The following RUSC1 variants were observed in gnomAD, a reference collection of about 807,000 sequenced individuals.
The protein encoded by RUSC1 is AP-4 complex accessory subunit RUSC1.
In RUSC1, 40 loss-of-function variants were observed where a neutral mutation model predicts 72.1. The observed-to-expected ratio is 0.55, with a 90% CI of 0.43 to 0.72. RUSC1 has a LOEUF of 0.72. Among genes scored for constraint, RUSC1 ranks in the 30% least tolerant of loss-of-function variants. The probability of loss-of-function intolerance (pLI) is 0.00; values close to 1 mark genes in which losing one functional copy is unlikely to be tolerated. For synonymous variants in RUSC1, 512 were observed against 494.2 expected (o/e 1.04, Z -0.48); for missense variants, 1,092 against 1,172.3 (o/e 0.93, Z 1.00).
At position 155,326,058 on chromosome 1, in the gene RUSC1, A is replaced by C; in HGVS notation, c.1861+148A>C. 2 of 867,482 alleles carry C rather than the reference A, an allele frequency of 2.3e-6. No homozygotes were observed. The highest frequency in any genetic ancestry group is 3.7e-6 in the Non-Finnish European group (2 of 546,104). The allele number at this position is 867,482 out of a possible 1,614,324, so 53.7% of individuals were successfully genotyped here. Reference sequence around the variant, plus strand: ...CTCTTCTAATTAAAACTTTCTAAGGAGGCCCATCGCCCATAGGATGAAAGA... The same window carrying C: ...CTCTTCTAATTAAAACTTTCTAAGGCGGCCCATCGCCCATAGGATGAAAGA... On this transcript the variant is annotated intron_variant, in intron 7 of 9. Transcript: ENST00000368352. The surrounding 1 kb of genome is among the most constrained non-coding windows in gnomAD (Gnocchi z 4.7).
chr1:155,329,577 A>G (rs1412392486), intron 9 of RUSC1, among the ~76,000 whole-genome samples: 1 of 151,426 alleles, frequency 6.6e-6, no homozygotes. Flanking sequence ...TATTTTTAAT[A>G]GAGATGGGGT....
In RUSC1 at chr1:155,325,595, G is replaced by C; in HGVS notation, c.1737G>C (p.Leu579=). The C allele has an allele frequency of 6.2e-7, 1 of 1,612,072 alleles. No individual in the cohort carries two copies. Among genetic ancestry groups the C allele is most frequent in the Non-Finnish European group, 8.5e-7 (1 of 1,179,970 alleles). The change falls in exon 6 of 10, where the codon CTG becomes CTC. Residue 579 remains leucine, a synonymous_variant. Transcript: ENST00000368352. The surrounding 1 kb of genome is among the most constrained non-coding windows in gnomAD (Gnocchi z 6.5). The stretch of plus-strand genomic sequence containing the variant: ...CCAGCACCCGCTCCCTTGGAACCCT[G>C]TATAGCCAGGTCAGCCGTCTAGCCC... ...PGSSTRSLGT[L]YSQVSRLAPL... is the part of the protein sequence containing the mutation.
intron 9 of RUSC1, among the ~76,000 whole-genome samples, chr1:155,329,583 G>A (rs1651795757): frequency 6.6e-6 from 1 of 151,464 alleles, no homozygotes; most frequent in Admixed American, 6.6e-5. Flanking sequence ...TAATAGAGAT[G>A]GGGTTTCACC....
intron 9 of RUSC1, among the ~76,000 whole-genome samples, chr1:155,329,957 A>G (rs1651843988): frequency 6.9e-6 from 1 of 143,912 alleles, no homozygotes; most frequent in Non-Finnish European, 1.5e-5. Flanking sequence ...TCTCAAGAAA[A>G]AAAAAAAAAA....
At chr1:155,329,953 GAAAA>G (rs1025418792) in intron 9 of RUSC1, among the ~76,000 whole-genome samples, 3 of 45,982 alleles carry the variant, frequency 6.5e-5, no homozygotes, top group Non-Finnish European at 1.5e-4. Flanking sequence ...TCTGTCTCAA[GAAAA>G]AAAAAAAAAA....
chr1:155,328,437 GA>G (rs1194615026), intron 9 of RUSC1, among the ~76,000 whole-genome samples, 162 bp downstream of exon 9: 3 of 150,618 alleles, frequency 2.0e-5, no homozygotes, highest in Admixed American at 6.6e-5. Flanking sequence ...TTGAGCCTTG[GA>G]TTTTTTTTTT....
intron 9 of RUSC1, among the ~76,000 whole-genome samples, 164 bp downstream of exon 9, chr1:155,328,439 T>G (rs1651654637): frequency 7.5e-6 from 1 of 133,634 alleles, no homozygotes; most frequent in Admixed American, 7.2e-5. Context: ...GAGCCTTGGA[T>G]TTTTTTTTTT....
chr1:155,329,989 G>A (rs1008787393), intron 9 of RUSC1, among the ~76,000 whole-genome samples: 7 of 150,454 alleles, frequency 4.7e-5, no homozygotes, highest in African/African-American at 1.7e-4. Flanking sequence ...AGATGGAGTA[G>A]TAGGAGATCC....
Position 155,325,657 on chromosome 1 carries a change from T to C in RUSC1, c.1799T>C (p.Ile600Thr), listed in dbSNP as rs1171743315. 2 of 1,613,912 alleles carry C rather than the reference T, an allele frequency of 1.2e-6. No homozygotes were observed. The highest frequency in any genetic ancestry group is 1.7e-6 in the Non-Finnish European group (2 of 1,179,986). Residue 600 changes from isoleucine (I) to threonine (T), a missense_variant, in exon 6 of 10, where the codon ATC becomes ACC. Ile to Thr is a moderately conservative substitution (Grantham distance 89, BLOSUM62 -1). Coordinates refer to ENST00000368352, the MANE Select transcript of RUSC1 (RefSeq NM_001105203.2). This position sits in a 1 kb window ranked among gnomAD's most constrained non-coding sequence, Gnocchi z 6.5. ...AGCCGTAGCCGCTTCCATGCCTTTA[T>C]CCTGGGCCTCCTCAAGTGAGTTGCC... Reference protein sequence around the residue: ...SSSRSRFHAFILGLLNTKQLE... With the variant: ...SSSRSRFHAFTLGLLNTKQLE...
Position 155,326,524 on chromosome 1 carries a change from G to A in RUSC1, c.1862-56G>A. The A allele has an allele frequency of 6.5e-7, 1 of 1,533,166 alleles. No homozygotes were observed. Among genetic ancestry groups the A allele is most frequent in the Non-Finnish European group, 8.8e-7 (1 of 1,131,016 alleles). 95.0% of individuals were successfully genotyped at this position (1,533,166 alleles called of 1,614,324 possible). A position where few individuals can be genotyped will look rare whatever the true frequency, so the allele number is the denominator to read the frequency against. ...GTGCTGACTGGTGGGCTGCTCTGGG[G>A]GGTCTTCTGGGACTAGGTCCAGGGC... On this transcript the variant is annotated intron_variant, in intron 7 of 9. Transcript: ENST00000368352. This position sits in a 1 kb window ranked among gnomAD's most constrained non-coding sequence, Gnocchi z 4.7.
In RUSC1 at chr1:155,330,591, G is replaced by T. The variant is rs41264225; in HGVS notation, c.*20G>T. On this transcript the variant is annotated 3_prime_UTR_variant, in exon 10 of 10. Coordinates refer to ENST00000368352, the MANE Select transcript of RUSC1 (RefSeq NM_001105203.2). ...CTGTAGCCCTGGGACCCTTTCCTGC[G>T]TATGTGTCTCCTTCCTGTCACCTGG... 5.2e-6 allele frequency: 8 copies of T among 1,546,646 alleles called. No homozygotes were observed. In the Admixed American group the frequency reaches 1.1e-4, roughly 22 times the overall value.
rs577979761 is a variant in RUSC1, at chr1:155,324,320, C to T, written c.1358-525C>T. On this transcript the variant is annotated intron_variant, in intron 2 of 9. Coordinates refer to ENST00000368352, the MANE Select transcript of RUSC1 (RefSeq NM_001105203.2). Reference sequence around the variant, plus strand: ...CCTCCGCCAAGAGGCTGCTGCGGGACCCGGGTTTCCCCTTTCCGGCGCCTT... The same window carrying T: ...CCTCCGCCAAGAGGCTGCTGCGGGATCCGGGTTTCCCCTTTCCGGCGCCTT... The T allele has an allele frequency of 1.5e-5, 23 of 1,581,062 alleles. 1 individual carries two copies. The South Asian group carries it at 2.4e-4, about 17-fold the overall frequency.
chr1:155,325,951 G>A lies in RUSC1; in HGVS notation c.1861+41G>A. ...GGTAGAGGATGGGGCTGATGGGCTG[G>A]GAGGATGGGAAGGAAAGAGTTCTCT... On this transcript the variant is annotated intron_variant, in intron 7 of 9. Transcript: ENST00000368352. This position sits in a 1 kb window ranked among gnomAD's most constrained non-coding sequence, Gnocchi z 6.5. 1 of 1,601,894 alleles carries A rather than the reference G, an allele frequency of 6.2e-7. No individual in the cohort carries two copies. Among genetic ancestry groups the A allele is most frequent in the Non-Finnish European group, 8.6e-7 (1 of 1,168,926 alleles).
At chr1:155,321,334 C>T in intron 1 of RUSC1, 1 of 1,373,616 alleles carries the variant, frequency 7.3e-7, no homozygotes, top group Non-Finnish European at 9.7e-7. Flanking sequence ...CTCCCTGGGT[C>T]CCTTCCTCTG....
In RUSC1 at chr1:155,325,506, G is replaced by T. The variant is rs780285957; in HGVS notation, c.1708+16G>T. ...GTGAAGCCAGGTGAGCCAGGAGGGCGTGGGACCCGGCAGTGCGCAGGGCAG... is the reference window on the plus strand; with the variant it reads ...GTGAAGCCAGGTGAGCCAGGAGGGCTTGGGACCCGGCAGTGCGCAGGGCAG... On this transcript the variant is annotated intron_variant, in intron 5 of 9. Transcript: ENST00000368352. This position sits in a 1 kb window ranked among gnomAD's most constrained non-coding sequence, Gnocchi z 6.5. 1.1e-5 allele frequency: 17 copies of T among 1,599,860 alleles called. No homozygotes were observed. Among genetic ancestry groups the T allele is most frequent in the East Asian group, 2.2e-5 (1 of 44,674 alleles).
chr1:155,328,301 T>C, intron 9 of RUSC1, 26 bp downstream of exon 9: 1 of 1,592,722 alleles, frequency 6.3e-7, no homozygotes, highest in Non-Finnish European at 8.6e-7. Context: ...GAGAATGCAC[T>C]AGTGTGTAAC....
At position 155,326,948 on chromosome 1, in the gene RUSC1, G is replaced by T; in HGVS notation, c.2230G>T (p.Gly744Cys). The T allele has an allele frequency of 6.2e-7, 1 of 1,613,818 alleles. No individual in the cohort carries two copies. The highest frequency in any genetic ancestry group is 1.3e-5 in the African/African-American group (1 of 75,056). ...GGCCTCCCGGGTCTATGCCTCTGGG[G>T]GCACTGAGGGCTTTCCTCTTTCCCG... The part of the protein sequence containing the change: ...TQASRVYASG[G>C]TEGFPLSRWA... The change falls in exon 8 of 10, where the codon GGC becomes TGC. Residue 744 changes from glycine (G) to cysteine (C), a missense_variant. Physicochemically the swap from Gly to Cys is radical, Grantham distance 159. Coordinates refer to ENST00000368352, the MANE Select transcript of RUSC1 (RefSeq NM_001105203.2). This position sits in a 1 kb window ranked among gnomAD's most constrained non-coding sequence, Gnocchi z 4.7.
At position 155,326,120 on chromosome 1, in the gene RUSC1, C is replaced by G; in HGVS notation, c.1861+210C>G. The G allele has an allele frequency of 1.6e-6, 1 of 622,122 alleles. No individual in the cohort carries two copies. Among genetic ancestry groups the G allele is most frequent in the Non-Finnish European group, 2.8e-6 (1 of 355,094 alleles). 38.5% of individuals were successfully genotyped at this position (622,122 alleles called of 1,614,324 possible). A position where few individuals can be genotyped will look rare whatever the true frequency, so the allele number is the denominator to read the frequency against. On this transcript the variant is annotated intron_variant, in intron 7 of 9. Coordinates refer to ENST00000368352, the MANE Select transcript of RUSC1 (RefSeq NM_001105203.2). The surrounding 1 kb of genome is among the most constrained non-coding windows in gnomAD (Gnocchi z 4.7). Reference sequence around the variant, plus strand: ...GGCTGTCTGGCCTCTGCCCTCTTCCCCTGCCTTGGAGGGTCTTGCCAACAG... The same window carrying G: ...GGCTGTCTGGCCTCTGCCCTCTTCCGCTGCCTTGGAGGGTCTTGCCAACAG...
At chr1:155,324,336 C>G in intron 2 of RUSC1, 2 of 1,595,608 alleles carry the variant, frequency 1.3e-6, no homozygotes, top group Non-Finnish European at 1.7e-6. Context: ...TTTCCCCTTT[C>G]CGGCGCCTTC....
Sources: allele counts gnomAD v4.1 joint callset (sites outside exome capture counted in the v4.1 genomes callset), GRCh38; gene constraint gnomAD v4.1.1; non-coding constraint Gnocchi (gnomAD v3.1); transcripts MANE v1.5; gene names NCBI Gene and HGNC (gene_info 2026-07-23, HGNC 2026-07-21).